LIPI: variants seen among roughly 807,000 people sequenced by gnomAD.
LIPI encodes lipase member I.
A neutral mutation model predicts 50.6 loss-of-function variants in LIPI; 59 were observed. The ratio of observed to expected loss-of-function variants is 1.16; its 90% CI spans 0.94 to 1.45. The LOEUF (loss-of-function observed/expected upper bound fraction) is 1.45, where lower values mean the gene tolerates loss of function less well. LIPI is among the 40% of genes most tolerant of loss of function. The probability of loss-of-function intolerance (pLI) is 0.00; values close to 1 mark genes in which losing one functional copy is unlikely to be tolerated. For synonymous variants in LIPI, 203 were observed against 178.2 expected (o/e 1.14, Z -1.11); for missense variants, 586 against 536.3 (o/e 1.09, Z -0.92).
At chr21:14,135,656 T>G (rs569110916) in intron 9 of LIPI, among the ~76,000 whole-genome samples, 1 of 152,268 alleles carries the variant, frequency 6.6e-6, no homozygotes, top group South Asian at 2.1e-4. Flanking sequence ...AGCCTAAACT[T>G]TAGTGTCAAG....
chr21:14,185,384 C>T (rs939823782), intron 3 of LIPI, among the ~76,000 whole-genome samples: 11 of 152,216 alleles, frequency 7.2e-5, no homozygotes, highest in Non-Finnish European at 1.5e-4. Context: ...TGTATTCTTA[C>T]GATAGTATGT....
intron 2 of LIPI, among the ~76,000 whole-genome samples, chr21:14,188,109 C>G (rs564451368): frequency 6.6e-6 from 1 of 152,268 alleles, no homozygotes; most frequent in East Asian, 1.9e-4. Context: ...CAAGTACCCA[C>G]AACTACCTAC....
intron 9 of LIPI, among the ~76,000 whole-genome samples, chr21:14,112,753 C>A (rs902975557): frequency 1.3e-5 from 2 of 151,770 alleles, no homozygotes; most frequent in African/African-American, 4.8e-5. Flanking sequence ...CTTTTCTCAC[C>A]AGGCAATATA....
intron 8 of LIPI, among the ~76,000 whole-genome samples, chr21:14,147,621 T>G (rs529268050): frequency 6.6e-6 from 1 of 152,304 alleles, no homozygotes; most frequent in East Asian, 1.9e-4. Flanking sequence ...CTAGCACAGA[T>G]CCGGGTCTAT....
chr21:14,155,091 GA>G (rs1369252422), intron 7 of LIPI, among the ~76,000 whole-genome samples: 6 of 151,768 alleles, frequency 4.0e-5, no homozygotes, highest in Middle Eastern at 3.2e-3. Context: ...CCTTAGCAAA[GA>G]AAAAAAGTTG....
intron 9 of LIPI, among the ~76,000 whole-genome samples, chr21:14,121,509 C>A (rs1451938459): frequency 6.6e-6 from 1 of 152,160 alleles, no homozygotes; most frequent in Non-Finnish European, 1.5e-5. Context: ...CCTAAGAAGA[C>A]AAATGCAGGC....
rs866468919 is a variant in LIPI at position 14,189,172 on chromosome 21, C to T, written c.294G>A (p.Arg98=). 1 of 1,614,110 alleles carries T rather than the reference C, an allele frequency of 6.2e-7. No individual in the cohort carries two copies. Among genetic ancestry groups the T allele is most frequent in the Admixed American group, 1.7e-5 (1 of 60,024 alleles). ...TCATATCTTCTTCATTCAGCAAAAT[C>T]CTTACGAAGTTCTGAAGCCATAATG... ...SIPLWLQNFV[R]ILLNEEDMNV... Residue 98 remains arginine, a synonymous_variant, in exon 2 of 10, where the codon AGG becomes AGA. Transcript: ENST00000681601.
At chr21:14,180,350 T>A (rs969759937) in intron 4 of LIPI, among the ~76,000 whole-genome samples, 1 of 152,204 alleles carries the variant, frequency 6.6e-6, no homozygotes, top group African/African-American at 2.4e-5. Flanking sequence ...CCCCCTTCCC[T>A]TTTTAAAACC....
chr21:14,143,890 A>AAC (rs1274558593), intron 9 of LIPI: 2 of 154,330 alleles, frequency 1.3e-5, no homozygotes, highest in Non-Finnish European at 2.9e-5. Context: ...TCATAAGAAA[A>AAC]ACACTTCTGG....
At chr21:14,196,818 C>A (rs2123314560) in intron 1 of LIPI, among the ~76,000 whole-genome samples, 1 of 152,038 alleles carries the variant, frequency 6.6e-6, no homozygotes, top group Non-Finnish European at 1.5e-5. Flanking sequence ...AGAAGGAGAA[C>A]CTATCTCAAC....
chr21:14,126,878 C>G (rs2017088286), intron 9 of LIPI, among the ~76,000 whole-genome samples: 1 of 152,078 alleles, frequency 6.6e-6, no homozygotes, highest in Admixed American at 6.6e-5. Flanking sequence ...AAAGCAGCAT[C>G]AGGAAGTTTT....
At chr21:14,138,804 C>T (rs992820926) in intron 9 of LIPI, among the ~76,000 whole-genome samples, 14 of 151,942 alleles carry the variant, frequency 9.2e-5, no homozygotes, top group African/African-American at 1.4e-4. Flanking sequence ...GAAATACATA[C>T]GTGCATTTTA....
At chr21:14,147,274 C>T (rs1334335313) in intron 8 of LIPI, among the ~76,000 whole-genome samples, 2 of 152,174 alleles carry the variant, frequency 1.3e-5, no homozygotes, top group Admixed American at 6.6e-5. Flanking sequence ...ATTGACATCC[C>T]CTATTTTAAT....
chr21:14,202,712 C>G (rs1319328822), intron 1 of LIPI, among the ~76,000 whole-genome samples: 1 of 152,126 alleles, frequency 6.6e-6, no homozygotes, highest in East Asian at 1.9e-4. Context: ...AAATGTTAGA[C>G]CTAAAACCAT....
At chr21:14,178,386 T>C (rs1015861057) in intron 4 of LIPI, among the ~76,000 whole-genome samples, 1 of 152,110 alleles carries the variant, frequency 6.6e-6, no homozygotes, top group Non-Finnish European at 1.5e-5. Flanking sequence ...ATATTGTCTA[T>C]TCTTTGGTAC....
intron 4 of LIPI, among the ~76,000 whole-genome samples, chr21:14,174,625 C>A (rs1600898975): frequency 6.6e-6 from 1 of 152,254 alleles, no homozygotes; most frequent in Admixed American, 6.5e-5. Context: ...ATGATCTCCG[C>A]TCACTGTGAT....
rs774736370 is a variant in LIPI, at chr21:14,202,866, CAAAAAAAACT to C, written c.46+7924_46+7933del. ...ATTAAACTAAAGAGCTTCTGCACAG[CAAAAAAAACT>C]ACCATCAGAGTGAACAGGCAACCTA... On this transcript the variant is annotated intron_variant, in intron 1 of 9. Transcript: ENST00000681601. Among the ~76,000 whole-genome samples the C allele has an allele frequency of 2.0e-4, 31 of 151,660 alleles. No individual in the cohort carries two copies. In the East Asian group the frequency reaches 2.9e-3, roughly 14 times the overall value.
chr21:14,114,661 G>T (rs190677708), intron 9 of LIPI, among the ~76,000 whole-genome samples: 3 of 152,276 alleles, frequency 2.0e-5, no homozygotes, highest in African/African-American at 7.2e-5. Context: ...TCCAGGATAA[G>T]GTTGGCGGTC....
chr21:14,194,408 C>T (rs946719616), intron 1 of LIPI, among the ~76,000 whole-genome samples: 3 of 148,162 alleles, frequency 2.0e-5, no homozygotes, highest in Non-Finnish European at 3.0e-5. Flanking sequence ...ACACAAGTAT[C>T]CATCAACAGG....
Sources: gnomAD v4.1 joint callset for allele counts (sites outside exome capture counted in the v4.1 genomes callset) on GRCh38, gnomAD v4.1.1 for gene constraint, MANE v1.5 for transcripts, NCBI Gene and HGNC (gene_info 2026-07-23, HGNC 2026-07-21) for gene names.